NCOA1: variants seen among roughly 807,000 people sequenced by gnomAD.
NCOA1 encodes the protein Hin-2 protein.
In NCOA1, 35 loss-of-function variants were observed where a neutral mutation model predicts 150.9. The ratio of observed to expected loss-of-function variants is 0.23; its 90% CI spans 0.18 to 0.31. NCOA1 has a LOEUF of 0.31. NCOA1 is among the 10% of genes least tolerant of loss of function. The probability of loss-of-function intolerance (pLI) is 1.00; values close to 1 mark genes in which losing one functional copy is unlikely to be tolerated. For synonymous variants in NCOA1, 590 were observed against 630.0 expected (o/e 0.94, Z 0.95); for missense variants, 1,491 against 1,749.3 (o/e 0.85, Z 2.63).
At chr2:24,703,742 A>G (rs1673279261) in intron 11 of NCOA1, among the ~76,000 whole-genome samples, 1 of 152,216 alleles carries the variant, frequency 6.6e-6, no homozygotes, top group Admixed American at 6.5e-5. Flanking sequence ...ACAATAAAAT[A>G]GAACATGTCT....
chr2:24,527,307 A>T (rs1387634300), intron 1 of NCOA1, among the ~76,000 whole-genome samples: 3 of 152,162 alleles, frequency 2.0e-5, no homozygotes, highest in Admixed American at 2.0e-4. Flanking sequence ...TTTGACCAAC[A>T]TCATCCAGTT....
intron 1 of NCOA1, among the ~76,000 whole-genome samples, chr2:24,523,982 A>G (rs1471581807): frequency 6.6e-6 from 1 of 150,744 alleles, no homozygotes; most frequent in Non-Finnish European, 1.5e-5. Context: ...GGATTTGAAG[A>G]CCCAAAATTA....
intron 6 of NCOA1, among the ~76,000 whole-genome samples, chr2:24,667,289 A>G (rs1166706884): frequency 6.6e-6 from 1 of 151,964 alleles, no homozygotes. Context: ...TACTCCCTAA[A>G]TTGGGGGTGG....
intron 22 of NCOA1, among the ~76,000 whole-genome samples, chr2:24,764,528 GGTAGATTTAGAA>G (rs1664951354): frequency 6.6e-6 from 1 of 152,150 alleles, no homozygotes; most frequent in Non-Finnish European, 1.5e-5. Flanking sequence ...CTGGTGCAGA[GGTAGATTTAGAA>G]GTAGAAGGAA....
intron 4 of NCOA1, 32 bp from the exon 5 acceptor site, chr2:24,658,629 G>A (rs1223081064): frequency 6.6e-7 from 1 of 1,522,716 alleles, no homozygotes; most frequent in Non-Finnish European, 9.1e-7. Flanking sequence ...GGTCATAAGG[G>A]TAGATTTCTT....
At chr2:24,657,093 A>G (rs1362372872) in intron 4 of NCOA1, among the ~76,000 whole-genome samples, 2 of 152,234 alleles carry the variant, frequency 1.3e-5, no homozygotes, top group African/African-American at 2.4e-5. Context: ...CTAAAAATGT[A>G]TACGAGTTCC....
At chr2:24,665,991 A>G (rs1317932611) in intron 6 of NCOA1, 76 bp downstream of exon 6, 8 of 776,628 alleles carry the variant, frequency 1.0e-5, no homozygotes, top group Non-Finnish European at 1.3e-5. Context: ...TTACTTTATT[A>G]TTATTATTAT....
chr2:24,572,536 A>G (rs995239174), intron 2 of NCOA1, among the ~76,000 whole-genome samples: 4 of 152,182 alleles, frequency 2.6e-5, no homozygotes, highest in African/African-American at 9.6e-5. Flanking sequence ...TTTTGATTTC[A>G]TTCATATGAG....
At chr2:24,724,361 G>A (rs184337133) in intron 14 of NCOA1, among the ~76,000 whole-genome samples, 3 of 152,150 alleles carry the variant, frequency 2.0e-5, no homozygotes, top group African/African-American at 4.8e-5. Flanking sequence ...CAAAGAGAGA[G>A]AGCCTGTGTA....
intron 3 of NCOA1, among the ~76,000 whole-genome samples, chr2:24,606,609 CT>C (rs1668381797): frequency 6.6e-6 from 1 of 152,096 alleles, no homozygotes; most frequent in Non-Finnish European, 1.5e-5. Flanking sequence ...ATATATTAAT[CT>C]TTTGTTCATC....
chr2:24,707,139 A>T lies in NCOA1; in HGVS notation c.1669A>T (p.Ser557Cys), dbSNP rs745418219. 3.7e-6 allele frequency: 6 copies of T among 1,614,116 alleles called. No homozygotes were observed. Among genetic ancestry groups the T allele is most frequent in the Admixed American group, 3.3e-5 (2 of 60,014 alleles). ...GPNNSVGFSA[S>C]SPVLRQMSSQ... ...CAATAACTCCGTTGGCTTCTCTGCC[A>T]GTTCTCCAGTCCTCAGGCAGATGAG... Residue 557 changes from serine (S) to cysteine (C), a missense_variant, in exon 13 of 23, where the codon AGT (serine) becomes TGT (cysteine). Around this residue, in one of 8 missense-constraint regions of NCOA1, gnomAD observed 703 missense variants for 717.7 expected, o/e 0.98. Transcript: ENST00000348332.
In NCOA1 at chr2:24,764,104, C is replaced by G. The variant is rs1572698573; in HGVS notation, c.4155+1328C>G. Among the ~76,000 whole-genome samples, 5 of 152,314 alleles carry G rather than the reference C, an allele frequency of 3.3e-5. 1 individual carries two copies. The South Asian group carries it at 1.0e-3, about 32-fold the overall frequency. On this transcript the variant is annotated intron_variant, in intron 22 of 22. Coordinates refer to ENST00000348332, the MANE Select transcript of NCOA1 (RefSeq NM_003743.5). Reference sequence around the variant, plus strand: ...CTGTGCTATGCACTGTATGCATTATCTCATTTAAGCCTCACTATAACCCTA... The same window carrying G: ...CTGTGCTATGCACTGTATGCATTATGTCATTTAAGCCTCACTATAACCCTA...
chr2:24,615,673 C>T (rs1668843428), intron 3 of NCOA1, among the ~76,000 whole-genome samples: 1 of 152,188 alleles, frequency 6.6e-6, no homozygotes, highest in Non-Finnish European at 1.5e-5. Flanking sequence ...GACATAGTCT[C>T]ACTGCTTTCA....
chr2:24,645,770 T>C (rs1019419938), intron 4 of NCOA1, among the ~76,000 whole-genome samples: 2 of 152,156 alleles, frequency 1.3e-5, no homozygotes, highest in Non-Finnish European at 2.9e-5. Flanking sequence ...GCATATCGGA[T>C]TTTGGACTTG....
chr2:24,602,202 T>A (rs1285331278), intron 3 of NCOA1, among the ~76,000 whole-genome samples: 3 of 152,064 alleles, frequency 2.0e-5, no homozygotes, highest in Non-Finnish European at 4.4e-5. Context: ...GTAGTAAAGT[T>A]TAGCAAGTTT....
chr2:24,753,772 C>G (rs1664363288), intron 20 of NCOA1, among the ~76,000 whole-genome samples: 1 of 152,134 alleles, frequency 6.6e-6, no homozygotes, highest in Non-Finnish European at 1.5e-5. Flanking sequence ...CCCACTCCCT[C>G]CTTTGGTTGC....
chr2:24,660,293 A>G (rs904404323), intron 5 of NCOA1, among the ~76,000 whole-genome samples: 2 of 152,160 alleles, frequency 1.3e-5, no homozygotes, highest in Non-Finnish European at 2.9e-5. Context: ...ATAAAAGAAT[A>G]TAGGCGAAGA....
chr2:24,616,724 G>A (rs945391128), intron 3 of NCOA1, among the ~76,000 whole-genome samples: 3 of 152,132 alleles, frequency 2.0e-5, no homozygotes, highest in Admixed American at 1.3e-4. Flanking sequence ...TATATGTACT[G>A]TAGTCCTGCT....
At chr2:24,600,057 TATTATATAAATCAG>T (rs1199704947) in intron 3 of NCOA1, among the ~76,000 whole-genome samples, 1 of 152,198 alleles carries the variant, frequency 6.6e-6, no homozygotes, top group Non-Finnish European at 1.5e-5. Context: ...GCCTTAGTCC[TATTATATAAATCAG>T]AGCCCTGTAG....
Sources: gnomAD v4.1 joint callset for allele counts (sites outside exome capture counted in the v4.1 genomes callset) on GRCh38, gnomAD v4.1.1 for gene constraint, gnomAD v4.1.1 regional missense constraint, MANE v1.5 for transcripts, NCBI Gene and HGNC (gene_info 2026-07-23, HGNC 2026-07-21) for gene names.